TCF25: variants seen among roughly 807,000 people sequenced by gnomAD.
The protein encoded by TCF25 is TCF25 ribosome quality control complex subunit, also known as ribosome quality control complex subunit TCF25.
In TCF25, 41 loss-of-function variants were observed where a neutral mutation model predicts 83.1. The ratio of observed to expected loss-of-function variants is 0.49; its 90% CI spans 0.38 to 0.64. TCF25 has a LOEUF of 0.64. TCF25 is among the 30% of genes least tolerant of loss of function. The probability of loss-of-function intolerance (pLI) is 0.00; values close to 1 mark genes in which losing one functional copy is unlikely to be tolerated. For synonymous variants in TCF25, 458 were observed against 365.0 expected (o/e 1.25, Z -2.90); for missense variants, 979 against 914.5 (o/e 1.07, Z -0.91).
At chr16:89,903,497 C>G (rs1015083685) in intron 12 of TCF25, among the ~76,000 whole-genome samples, 1 of 151,912 alleles carries the variant, frequency 6.6e-6, no homozygotes, top group African/African-American at 2.4e-5. Context: ...ACGGTGAAAC[C>G]CTTTCTCTAC....
chr16:89,891,948 G>A (rs1025337422), intron 5 of TCF25, among the ~76,000 whole-genome samples: 1 of 152,116 alleles, frequency 6.6e-6, no homozygotes, highest in Admixed American at 6.6e-5. Flanking sequence ...GGGATTACAG[G>A]TGTGAGCCCC....
intron 1 of TCF25, among the ~76,000 whole-genome samples, chr16:89,876,209 A>G (rs1364220943): frequency 6.6e-6 from 1 of 152,092 alleles, no homozygotes; most frequent in Non-Finnish European, 1.5e-5. Context: ...TAGGAATTTC[A>G]GAGAATTTTA....
intron 16 of TCF25, 152 bp downstream of exon 16, chr16:89,907,474 C>CTCCCAGT (rs2044950584): frequency 2.5e-5 from 2 of 80,480 alleles, no homozygotes; most frequent in Non-Finnish European, 4.1e-5. Flanking sequence ...CTCCTCCCAC[C>CTCCCAGT]TCCCACCTCC....
At chr16:89,906,034 A>G (rs917479805) in intron 14 of TCF25, 160 bp from the exon 15 acceptor site, 3 of 657,698 alleles carry the variant, frequency 4.6e-6, no homozygotes, top group Non-Finnish European at 7.9e-6. Flanking sequence ...GGGACCAGCC[A>G]TGGTGCCTCT....
chr16:89,873,593 T>G lies in TCF25; in HGVS notation c.-75T>G. 13 of 801,504 alleles carry G rather than the reference T, an allele frequency of 1.6e-5. No homozygotes were observed. Among genetic ancestry groups the G allele is most frequent in the Non-Finnish European group, 2.0e-5 (12 of 603,660 alleles). 49.6% of individuals were successfully genotyped at this position (801,504 alleles called of 1,614,324 possible). A position where few individuals can be genotyped will look rare whatever the true frequency, so the allele number is the denominator to read the frequency against. On this transcript the variant is annotated 5_prime_UTR_variant, in exon 1 of 18. Coordinates refer to ENST00000263346, the MANE Select transcript of TCF25 (RefSeq NM_014972.3). ...CCCGCCCCCGACCCCGCGCGAAGAG[T>G]GCGCAGGCGCGCCGACAGCCGAGTT...
intron 16 of TCF25, chr16:89,909,042 C>G (rs1293450380): frequency 7.8e-7 from 1 of 1,289,414 alleles, no homozygotes. Context: ...TTTCCCATCT[C>G]CACCGAATGT....
chr16:89,897,026 C>G (rs1000821470), intron 9 of TCF25, among the ~76,000 whole-genome samples: 1 of 148,168 alleles, frequency 6.7e-6, no homozygotes, highest in Non-Finnish European at 1.5e-5. Flanking sequence ...GACCTTGTCT[C>G]TCAAAAAAAA....
At chr16:89,887,063 T>TC (rs1021844136) in intron 4 of TCF25, among the ~76,000 whole-genome samples, 1 of 151,956 alleles carries the variant, frequency 6.6e-6, no homozygotes, top group African/African-American at 2.4e-5. Flanking sequence ...AGAGACAGGA[T>TC]CTCTCTATCA....
intron 5 of TCF25, among the ~76,000 whole-genome samples, chr16:89,891,902 T>G (rs560125737): frequency 6.6e-6 from 1 of 152,186 alleles, no homozygotes; most frequent in Admixed American, 6.5e-5. Context: ...ACTCCTGGGT[T>G]CAAGAAATTC....
At chr16:89,900,560 T>G in intron 11 of TCF25, 75 bp from the exon 12 acceptor site, 1 of 1,487,712 alleles carries the variant, frequency 6.7e-7, no homozygotes, top group Non-Finnish European at 9.1e-7. Flanking sequence ...ACTGGTGATG[T>G]CAGAGCGTCT....
chr16:89,897,583 A>C (rs2043960566), intron 9 of TCF25, among the ~76,000 whole-genome samples: 1 of 152,220 alleles, frequency 6.6e-6, no homozygotes, highest in Admixed American at 6.5e-5. Flanking sequence ...TGTCTCTTCC[A>C]ATGAAATTCT....
At chr16:89,897,783 T>A in intron 9 of TCF25, among the ~76,000 whole-genome samples, 1 of 151,920 alleles carries the variant, frequency 6.6e-6, no homozygotes, top group Non-Finnish European at 1.5e-5. Flanking sequence ...AGATTTTAAC[T>A]CTCTTCCTGT....
intron 1 of TCF25, among the ~76,000 whole-genome samples, chr16:89,881,572 G>A (rs150236442): frequency 1.4e-4 from 21 of 151,878 alleles, no homozygotes; most frequent in Admixed American, 6.6e-4. Flanking sequence ...CTCCTCAGCC[G>A]CCTGAGTAGC....
At chr16:89,883,673 G>A in intron 2 of TCF25, 161 bp downstream of exon 2, 1 of 803,070 alleles carries the variant, frequency 1.2e-6, no homozygotes, top group Non-Finnish European at 1.9e-6. Context: ...ACCTTGATGA[G>A]ATTTGCATGA....
intron 15 of TCF25, 133 bp from the exon 16 acceptor site, chr16:89,907,110 C>T: frequency 2.2e-6 from 2 of 898,230 alleles, no homozygotes; most frequent in South Asian, 1.5e-5. Context: ...ACAGCCGTTT[C>T]TGTCAGACTC....
chr16:89,894,958 A>G (rs1319659902), intron 7 of TCF25, 80 bp from the exon 8 acceptor site: 2 of 1,330,022 alleles, frequency 1.5e-6, no homozygotes, highest in African/African-American at 2.9e-5. Context: ...GCTGGTTTTA[A>G]ATGTCTGAAA....
intron 9 of TCF25, among the ~76,000 whole-genome samples, chr16:89,897,906 G>A (rs2043986458): frequency 6.6e-6 from 1 of 152,138 alleles, no homozygotes; most frequent in Non-Finnish European, 1.5e-5. Context: ...ACAAGATCAG[G>A]AGATCGAGAC....
At chr16:89,885,508 CTG>C (rs1446287017) in intron 3 of TCF25, among the ~76,000 whole-genome samples, 1 of 152,208 alleles carries the variant, frequency 6.6e-6, no homozygotes, top group African/African-American at 2.4e-5. Flanking sequence ...CCTCGTCTGA[CTG>C]TGTCCTGAGA....
At chr16:89,891,589 G>C (rs2043432151) in intron 5 of TCF25, among the ~76,000 whole-genome samples, 1 of 152,210 alleles carries the variant, frequency 6.6e-6, no homozygotes, top group Admixed American at 6.5e-5. Context: ...ACAGGGGTCA[G>C]GCCCACTCTA....
Sources: gnomAD v4.1 joint callset for allele counts (sites outside exome capture counted in the v4.1 genomes callset) on GRCh38, gnomAD v4.1.1 for gene constraint, MANE v1.5 for transcripts, NCBI Gene and HGNC (gene_info 2026-07-23, HGNC 2026-07-21) for gene names.